ALCAM: variants seen among roughly 807,000 people sequenced by gnomAD.
ALCAM encodes the protein activated leukocyte cell adhesion molecule.
ALCAM carries 30 observed loss-of-function variants against 70.9 expected under a neutral mutation model. The observed-to-expected ratio is 0.42, with a 90% CI of 0.32 to 0.57. The LOEUF (loss-of-function observed/expected upper bound fraction) is 0.57. Among genes scored for constraint, ALCAM ranks in the 20% least tolerant of loss-of-function variants. The pLI is 0.11. For synonymous variants in ALCAM, 249 were observed against 242.5 expected (o/e 1.03, Z -0.25); for missense variants, 591 against 695.1 (o/e 0.85, Z 1.68).
At chr3:105,460,858 A>G (rs1457185023) in intron 1 of ALCAM, among the ~76,000 whole-genome samples, 1 of 152,096 alleles carries the variant, frequency 6.6e-6, no homozygotes, top group East Asian at 1.9e-4. Context: ...ATTGATTACT[A>G]CTTTACTGAT....
At chr3:105,377,884 A>C (rs1935417533) in intron 1 of ALCAM, among the ~76,000 whole-genome samples, 1 of 152,158 alleles carries the variant, frequency 6.6e-6, no homozygotes, top group South Asian at 2.1e-4. Context: ...TATTTGTATT[A>C]GTTCGTTGTA....
chr3:105,420,929 G>A (rs1936634371), intron 1 of ALCAM, among the ~76,000 whole-genome samples: 2 of 151,360 alleles, frequency 1.3e-5, no homozygotes, highest in Non-Finnish European at 3.0e-5. Context: ...GTATTCAAGG[G>A]CTTAGACACA....
In ALCAM at chr3:105,545,405, A is replaced by G. The variant is rs1427889095; in HGVS notation, c.1104+70A>G. 2.8e-6 allele frequency: 3 copies of G among 1,073,388 alleles called. No individual in the cohort carries two copies. The African/African-American group carries it at 4.7e-5, about 17-fold the overall frequency. The allele number at this position is 1,073,388 out of a possible 1,614,324, so 66.5% of individuals were successfully genotyped here. A position where few individuals can be genotyped will look rare whatever the true frequency, so the allele number is the denominator to read the frequency against. On this transcript the variant is annotated intron_variant, in intron 9 of 15. Coordinates refer to ENST00000306107, the MANE Select transcript of ALCAM (RefSeq NM_001627.4). ...TTTTTAGGTTTCTTATGCACTTTAT[A>G]TTGTATTCAAGTAGGTATATTCATG...
chr3:105,409,193 CTAGGTATCTACCCAGAG>C (rs1936325192), intron 1 of ALCAM, among the ~76,000 whole-genome samples: 1 of 152,074 alleles, frequency 6.6e-6, no homozygotes, highest in Non-Finnish European at 1.5e-5. Flanking sequence ...AATCCCGCCA[CTAGGTATCTACCCAGAG>C]GAAAAGAAGT....
intron 1 of ALCAM, among the ~76,000 whole-genome samples, chr3:105,392,092 G>A (rs1420930953): frequency 6.6e-6 from 1 of 151,974 alleles, no homozygotes; most frequent in Non-Finnish European, 1.5e-5. Context: ...CACAAAATGA[G>A]TTAGGAAGAA....
chr3:105,490,625 G>A (rs989816872), intron 1 of ALCAM, among the ~76,000 whole-genome samples: 2 of 152,124 alleles, frequency 1.3e-5, no homozygotes, highest in Non-Finnish European at 2.9e-5. Flanking sequence ...TTTAGGATAT[G>A]GTTTCTGAAC....
rs1940950445 is a variant in ALCAM at position 105,575,740 on chromosome 3, A to G, written c.*1289A>G. ...TTTTAAACTTTGCTCTTTCAAGCAG[A>G]AGCCTGGTTTCTGGGAGAACACTGC... On this transcript the variant is annotated 3_prime_UTR_variant, in exon 16 of 16. Transcript: ENST00000306107. 1 of 152,136 alleles carries G rather than the reference A, an allele frequency of 6.6e-6. No individual in the cohort carries two copies. Among genetic ancestry groups the G allele is most frequent in the South Asian group, 2.1e-4 (1 of 4,834 alleles). The allele number at this position is 152,136 out of a possible 1,614,324, so 9.4% of individuals were successfully genotyped here.
intron 1 of ALCAM, among the ~76,000 whole-genome samples, chr3:105,435,393 C>T (rs1171614337): frequency 1.3e-5 from 2 of 152,186 alleles, no homozygotes. Context: ...AAGGAGGACA[C>T]AAACCCTGCT....
chr3:105,552,593 G>T lies in ALCAM; in HGVS notation c.1664+8G>T, dbSNP rs1940436110. ...GTACATGAAGAAGTCAAAGTGAGTT[G>T]TGGAAAAAAGATCTTCATCGTTCAT... On this transcript the variant is annotated splice_region_variant and intron_variant, in intron 14 of 15. Coordinates refer to ENST00000306107, the MANE Select transcript of ALCAM (RefSeq NM_001627.4). 6.2e-7 allele frequency: 1 copy of T among 1,610,574 alleles called. No homozygotes were observed. The highest frequency in any genetic ancestry group is 8.5e-7 in the Non-Finnish European group (1 of 1,177,756).
At chr3:105,564,908 T>A (rs1940710092) in intron 14 of ALCAM, among the ~76,000 whole-genome samples, 1 of 152,178 alleles carries the variant, frequency 6.6e-6, no homozygotes, top group Admixed American at 6.5e-5. Flanking sequence ...TAGCCAGGCA[T>A]AGTGCCACAC....
chr3:105,499,083 T>G (rs1010902540), intron 1 of ALCAM, among the ~76,000 whole-genome samples: 1 of 152,142 alleles, frequency 6.6e-6, no homozygotes, highest in Non-Finnish European at 1.5e-5. Context: ...ATTACAATAG[T>G]ACAATATCAC....
At chr3:105,513,314 C>A (rs1195113101) in intron 1 of ALCAM, 1 of 151,832 alleles carries the variant, frequency 6.6e-6, no homozygotes, top group East Asian at 1.9e-4. Flanking sequence ...ATGTGAGGAT[C>A]ATTGCCAAGG....
At chr3:105,428,346 T>C (rs531422503) in intron 1 of ALCAM, among the ~76,000 whole-genome samples, 1 of 151,994 alleles carries the variant, frequency 6.6e-6, no homozygotes, top group Non-Finnish European at 1.5e-5. Context: ...TCAACTTTAA[T>C]TTTCACCCTT....
At chr3:105,403,886 T>A (rs1417090912) in intron 1 of ALCAM, among the ~76,000 whole-genome samples, 3 of 150,404 alleles carry the variant, frequency 2.0e-5, no homozygotes. Context: ...ATAGCATAAA[T>A]AAAAAACAAT....
At chr3:105,533,772 G>T in intron 5 of ALCAM, 82 bp downstream of exon 5, 1 of 1,341,626 alleles carries the variant, frequency 7.5e-7, no homozygotes, top group Non-Finnish European at 1.0e-6. Context: ...CTTTAAACCA[G>T]TGGTCTCCAA....
intron 1 of ALCAM, among the ~76,000 whole-genome samples, chr3:105,463,955 A>T (rs1347423121): frequency 6.6e-6 from 1 of 151,432 alleles, no homozygotes; most frequent in Non-Finnish European, 1.5e-5. Flanking sequence ...TATTGCACAG[A>T]TATTTTGTTC....
intron 15 of ALCAM, among the ~76,000 whole-genome samples, chr3:105,574,164 C>G: frequency 6.6e-6 from 1 of 151,482 alleles, no homozygotes; most frequent in African/African-American, 2.4e-5. Context: ...ACAAATCCCA[C>G]GAAATAGTGT....
intron 1 of ALCAM, among the ~76,000 whole-genome samples, chr3:105,474,810 C>T (rs1246096589): frequency 6.6e-6 from 1 of 151,484 alleles, no homozygotes; most frequent in African/African-American, 2.4e-5. Flanking sequence ...ATAAGAATTA[C>T]TGTCTTTAAA....
chr3:105,540,034 G>C lies in ALCAM; in HGVS notation c.790G>C (p.Asp264His), dbSNP rs1559827061. 3.1e-6 allele frequency: 5 copies of C among 1,612,554 alleles called. No homozygotes were observed. The South Asian group carries it at 4.4e-5, about 14-fold the overall frequency. ...LPPKNAIKEGDNITLKCLGNG... is the reference protein window; with the variant it reads ...LPPKNAIKEGHNITLKCLGNG... ...ACCAAAAAATGCCATCAAAGAAGGG[G>C]ATAACATCACTCTTAAATGCTTAGG... Residue 264 changes from aspartate (D) to histidine (H), a missense_variant, in exon 7 of 16, where the codon GAT becomes CAT. Asp to His is a moderately conservative substitution (Grantham distance 81). Coordinates refer to ENST00000306107, the MANE Select transcript of ALCAM (RefSeq NM_001627.4).
Sources: gnomAD v4.1 joint callset for allele counts (sites outside exome capture counted in the v4.1 genomes callset) on GRCh38, gnomAD v4.1.1 for gene constraint, MANE v1.5 for transcripts, NCBI Gene and HGNC (gene_info 2026-07-23, HGNC 2026-07-21) for gene names.